Variants in CSNK1D observed in about 807,000 individuals in gnomAD.
The protein encoded by CSNK1D is casein kinase I isoform delta.
CSNK1D carries 16 observed loss-of-function variants against 46.6 expected under a neutral mutation model. That is an observed-to-expected ratio of 0.34 (90% CI 0.23 to 0.52). CSNK1D has a LOEUF of 0.52. Ranked by LOEUF, CSNK1D falls within the 20% of genes least tolerant of loss-of-function variation. CSNK1D has a pLI of 0.95. For synonymous variants in CSNK1D, 276 were observed against 228.2 expected (o/e 1.21, Z -1.89); for missense variants, 398 against 578.4 (o/e 0.69, Z 3.20).
rs143801830 is a variant in CSNK1D at position 82,242,888 on chromosome 17, C to G, written c.*1893G>C. The G allele has an allele frequency of 3.0e-6, 3 of 985,424 alleles. No homozygotes were observed. The East Asian group carries it at 3.4e-4, about 112-fold the overall frequency. 61.0% of individuals were successfully genotyped at this position (985,424 alleles called of 1,614,324 possible). The stretch of plus-strand genomic sequence containing the variant: ...GGCGAGGCTCGGGCTGGAACCCGGG[C>G]GCAGAGCTGCCTCGCACAAACGTTC... On this transcript the variant is annotated 3_prime_UTR_variant, in exon 9 of 9. Coordinates refer to ENST00000314028, the MANE Select transcript of CSNK1D (RefSeq NM_001893.6).
At chr17:82,257,332 C>T (rs371466786) in intron 2 of CSNK1D, among the ~76,000 whole-genome samples, 13 of 152,190 alleles carry the variant, frequency 8.5e-5, no homozygotes, top group Middle Eastern at 3.4e-3. Flanking sequence ...GATGAAAAGA[C>T]TTTTCATGAA....
At position 82,251,766 on chromosome 17, in the gene CSNK1D, G is replaced by A. The variant is rs992027636; in HGVS notation, c.737-239C>T. ...AGCACTCTAGGAGGCTGAGGAGGGC[G>A]GATCACGAGGTCAGGAGATCAAGAC... On this transcript the variant is annotated intron_variant, in intron 5 of 8. Transcript: ENST00000314028. The surrounding 1 kb of genome is among the most constrained non-coding windows in gnomAD (Gnocchi z 4.5). 29 of 541,230 alleles carry A rather than the reference G, an allele frequency of 5.4e-5. No homozygotes were observed. Among genetic ancestry groups the A allele is most frequent in the South Asian group, 7.6e-5 (4 of 52,350 alleles). The allele number at this position is 541,230 out of a possible 1,614,324, so 33.5% of individuals were successfully genotyped here. A position where few individuals can be genotyped will look rare whatever the true frequency, so the allele number is the denominator to read the frequency against.
chr17:82,254,945 C>T (rs2051132939), intron 3 of CSNK1D, among the ~76,000 whole-genome samples: 2 of 141,624 alleles, frequency 1.4e-5, no homozygotes, highest in African/African-American at 2.7e-5. Context: ...ATCGGAGCCT[C>T]GACAAGCCAG....
At chr17:82,239,082 C>A, downstream of CSNK1D, 1 of 1,148,464 alleles carries the variant, frequency 8.7e-7, no homozygotes, top group Non-Finnish European at 1.2e-6. Flanking sequence ...CGGCTGGGCT[C>A]CAGCTGCCGG....
chr17:82,244,677 T>G lies in CSNK1D; in HGVS notation c.*104A>C. 6.3e-7 allele frequency: 1 copy of G among 1,591,838 alleles called. No homozygotes were observed. The highest frequency in any genetic ancestry group is 8.5e-7 in the Non-Finnish European group (1 of 1,172,932). On this transcript the variant is annotated 3_prime_UTR_variant, in exon 9 of 9. Coordinates refer to ENST00000314028, the MANE Select transcript of CSNK1D (RefSeq NM_001893.6). The stretch of plus-strand genomic sequence containing the variant: ...GAGTGGCCTGGAGAGCTCCCGGTGT[T>G]AACATTTCGATCCTAGACCGGGGGA...
intron 2 of CSNK1D, among the ~76,000 whole-genome samples, chr17:82,259,652 C>A (rs1404133711): frequency 1.3e-5 from 2 of 152,212 alleles, no homozygotes; most frequent in African/African-American, 4.8e-5. Context: ...AAGCACTGTC[C>A]CTAACAGCAA....
At chr17:82,266,229 C>T (rs1379855310) in intron 1 of CSNK1D, among the ~76,000 whole-genome samples, 2 of 152,200 alleles carry the variant, frequency 1.3e-5, no homozygotes, top group Admixed American at 1.3e-4. Context: ...GAGTTTCCCC[C>T]TGAGGAAGGG....
In CSNK1D at chr17:82,251,150, G is replaced by T; in HGVS notation, c.885+229C>A. The T allele has an allele frequency of 3.7e-6, 2 of 542,822 alleles. No homozygotes were observed. The highest frequency in any genetic ancestry group is 3.3e-5 in the East Asian group (1 of 30,278). The allele number at this position is 542,822 out of a possible 1,614,324, so 33.6% of individuals were successfully genotyped here. ...GGGGCCTCCTGCTGTCCACACCCAG[G>T]AATTCCATGGACCCCTCTGCGTTCC... On this transcript the variant is annotated intron_variant, in intron 6 of 8. Coordinates refer to ENST00000314028, the MANE Select transcript of CSNK1D (RefSeq NM_001893.6). The surrounding 1 kb of genome is among the most constrained non-coding windows in gnomAD (Gnocchi z 4.5).
chr17:82,250,064 G>A lies in CSNK1D; in HGVS notation c.886-462C>T. 1 of 1,283,462 alleles carries A rather than the reference G, an allele frequency of 7.8e-7. No individual in the cohort carries two copies. Among genetic ancestry groups the A allele is most frequent in the Non-Finnish European group, 1.0e-6 (1 of 985,044 alleles). 79.5% of individuals were successfully genotyped at this position (1,283,462 alleles called of 1,614,324 possible). A position where few individuals can be genotyped will look rare whatever the true frequency, so the allele number is the denominator to read the frequency against. ...GTACACTCAGGGTCCGGACCCTGCA[G>A]CCTCCAACAGCCTGTGCAGGTGTGG... On this transcript the variant is annotated intron_variant, in intron 6 of 8. Transcript: ENST00000314028. The surrounding 1 kb of genome is among the most constrained non-coding windows in gnomAD (Gnocchi z 4.6).
intron 2 of CSNK1D, among the ~76,000 whole-genome samples, chr17:82,264,240 G>A (rs370244539): frequency 3.3e-5 from 5 of 152,304 alleles, no homozygotes; most frequent in Admixed American, 1.3e-4. Flanking sequence ...CAAATGTGCC[G>A]CGGAGCCTTC....
At chr17:82,271,378 T>C (rs916032908) in intron 1 of CSNK1D, among the ~76,000 whole-genome samples, 3 of 152,290 alleles carry the variant, frequency 2.0e-5, no homozygotes, top group Non-Finnish European at 4.4e-5. Flanking sequence ...CCCAAAATAC[T>C]CCTTTTTGAT....
downstream of CSNK1D, among the ~76,000 whole-genome samples, chr17:82,241,427 C>T (rs1310119383): frequency 1.3e-5 from 2 of 152,256 alleles, no homozygotes; most frequent in Non-Finnish European, 2.9e-5. Flanking sequence ...CAGACCCAGC[C>T]AGACTCAGGT....
At chr17:82,272,838 G>T (rs892578282) in intron 1 of CSNK1D, among the ~76,000 whole-genome samples, 3 of 152,248 alleles carry the variant, frequency 2.0e-5, no homozygotes, top group Admixed American at 6.5e-5. Context: ...GTGACCTTAG[G>T]CGTAGAGGAA....
chr17:82,247,088 A>G, intron 8 of CSNK1D: 1 of 985,476 alleles, frequency 1.0e-6, no homozygotes, highest in Non-Finnish European at 1.2e-6. Context: ...CCTCTCAGGA[A>G]GGCCCCCCAG....
chr17:82,240,771 G>A (rs1206746867), downstream of CSNK1D, among the ~76,000 whole-genome samples: 1 of 152,192 alleles, frequency 6.6e-6, no homozygotes, highest in Admixed American at 6.5e-5. Context: ...TGGGAAGGCA[G>A]CCACGCTTGG....
rs1324407174 is a variant in CSNK1D at position 82,248,895 on chromosome 17, A to T, written c.1177T>A (p.Ser393Thr). 6.2e-7 allele frequency: 1 copy of T among 1,610,670 alleles called. No individual in the cohort carries two copies. Among genetic ancestry groups the T allele is most frequent in the East Asian group, 2.2e-5 (1 of 44,776 alleles). Reference protein sequence around the residue: ...SSDLTGRQDTSRMSTSQIPGR... With the variant: ...SSDLTGRQDTTRMSTSQIPGR... ...CCTACCTGTGAGGTGGACATGCGAG[A>T]GGTATCTTGTCGGCCTGTGAGGTCG... Residue 393 changes from serine (S) to threonine (T), a missense_variant, in exon 8 of 9, where the codon TCT becomes ACT. By Grantham distance (58) the Ser-to-Thr change is moderately conservative. Around this residue, in one of 2 missense-constraint regions of CSNK1D, gnomAD observed 181 missense variants for 208.0 expected, o/e 0.87. Transcript: ENST00000314028. This position sits in a 1 kb window ranked among gnomAD's most constrained non-coding sequence, Gnocchi z 4.1.
Position 82,249,841 on chromosome 17 carries a change from G to A in CSNK1D, c.886-239C>T. The A allele has an allele frequency of 7.0e-7, 1 of 1,427,698 alleles. No individual in the cohort carries two copies. Among genetic ancestry groups the A allele is most frequent in the Non-Finnish European group, 9.1e-7 (1 of 1,094,970 alleles). 88.4% of individuals were successfully genotyped at this position (1,427,698 alleles called of 1,614,324 possible). A position where few individuals can be genotyped will look rare whatever the true frequency, so the allele number is the denominator to read the frequency against. ...AATCGAAAAAACCCCACTCGCCATG[G>A]CATCTCCCTGTGGGCTCAGAACTTC... is the stretch of plus-strand genomic sequence containing the variant. On this transcript the variant is annotated intron_variant, in intron 6 of 8. Coordinates refer to ENST00000314028, the MANE Select transcript of CSNK1D (RefSeq NM_001893.6). The surrounding 1 kb of genome is among the most constrained non-coding windows in gnomAD (Gnocchi z 6.7).
At chr17:82,266,004 T>G (rs1242992204) in intron 1 of CSNK1D, among the ~76,000 whole-genome samples, 2 of 152,222 alleles carry the variant, frequency 1.3e-5, no homozygotes, top group Non-Finnish European at 2.9e-5. Context: ...AGGACGAATT[T>G]GAACTGCACA....
Position 82,245,857 on chromosome 17 carries a change from C to T in CSNK1D, c.1198-1026G>A, listed in dbSNP as rs114602695. 9.7e-5 allele frequency: 100 copies of T among 1,026,354 alleles called. No homozygotes were observed. In the African/African-American group the frequency reaches 1.5e-3, roughly 15 times the overall value. 63.6% of individuals were successfully genotyped at this position (1,026,354 alleles called of 1,614,324 possible). On this transcript the variant is annotated intron_variant, in intron 8 of 8. Transcript: ENST00000314028. ...AAGAAGAACAGAGCAGAAGAAGCCT[C>T]ACTCTACCTCCAGCACCTGGCATGC... is the stretch of plus-strand genomic sequence containing the variant.
Sources: allele counts gnomAD v4.1 joint callset (sites outside exome capture counted in the v4.1 genomes callset), GRCh38; gene constraint gnomAD v4.1.1; regional missense constraint gnomAD v4.1.1; non-coding constraint Gnocchi (gnomAD v3.1); transcripts MANE v1.5; gene names NCBI Gene and HGNC (gene_info 2026-07-23, HGNC 2026-07-21).